TCERG1L: variants seen among roughly 807,000 people sequenced by gnomAD.
The protein encoded by TCERG1L is transcription elongation regulator 1 like.
Under a neutral mutation model 56.3 loss-of-function variants are expected in TCERG1L, and 37 were observed. The ratio of observed to expected loss-of-function variants is 0.66; its 90% CI spans 0.51 to 0.87. The LOEUF (loss-of-function observed/expected upper bound fraction) is 0.87, where lower values mean the gene tolerates loss of function less well. Among genes scored for constraint, TCERG1L ranks in the 40% least tolerant of loss-of-function variants. TCERG1L has a pLI of 0.00. For missense variants in TCERG1L, 799 were observed against 774.2 expected, an observed-to-expected ratio of 1.03 and a Z score of -0.38; for synonymous variants, 324 against 326.3, an observed-to-expected ratio of 0.99 and a Z score of 0.08.
intron 6 of TCERG1L, among the ~76,000 whole-genome samples, chr10:131,158,003 G>A (rs1429659704): frequency 2.0e-5 from 3 of 152,252 alleles, no homozygotes. Flanking sequence ...CTGTCAGGGT[G>A]TGAATTTTGC....
chr10:131,094,612 C>T (rs937494488), intron 11 of TCERG1L, among the ~76,000 whole-genome samples: 4 of 152,148 alleles, frequency 2.6e-5, no homozygotes, highest in Non-Finnish European at 4.4e-5. Context: ...AAGAAAAGCG[C>T]TTCTCTCTGG....
chr10:131,299,076 A>T (rs527702325), intron 3 of TCERG1L, among the ~76,000 whole-genome samples: 113 of 152,318 alleles, frequency 7.4e-4, no homozygotes, highest in South Asian at 1.0e-3. Flanking sequence ...ATTTTATTAG[A>T]AATTTTTATC....
chr10:131,259,534 T>C (rs1846211093), intron 4 of TCERG1L, among the ~76,000 whole-genome samples: 2 of 152,294 alleles, frequency 1.3e-5, no homozygotes, highest in East Asian at 1.9e-4. Flanking sequence ...TTACAGTTAG[T>C]GGATGGACAC....
At chr10:131,175,802 G>A (rs1188338436) in intron 4 of TCERG1L, among the ~76,000 whole-genome samples, 1 of 152,218 alleles carries the variant, frequency 6.6e-6, no homozygotes, top group Non-Finnish European at 1.5e-5. Flanking sequence ...GAGATGGCTA[G>A]ATGGAGGAGG....
At chr10:131,282,743 C>T (rs1050698974) in intron 3 of TCERG1L, among the ~76,000 whole-genome samples, 3 of 152,160 alleles carry the variant, frequency 2.0e-5, no homozygotes, top group Admixed American at 1.3e-4. Context: ...TTATACCAGA[C>T]ACTTTGTCAG....
chr10:131,268,024 G>A (rs1434792159), intron 3 of TCERG1L, among the ~76,000 whole-genome samples: 1 of 152,180 alleles, frequency 6.6e-6, no homozygotes, highest in Non-Finnish European at 1.5e-5. Flanking sequence ...GCCAGGCTCA[G>A]CAGTGGGAGC....
At chr10:131,148,427 GAC>G (rs760908026) in intron 6 of TCERG1L, among the ~76,000 whole-genome samples, 17 of 150,508 alleles carry the variant, frequency 1.1e-4, no homozygotes, top group South Asian at 2.1e-4. Flanking sequence ...TGCACACAGA[GAC>G]ACACACATGC....
intron 4 of TCERG1L, among the ~76,000 whole-genome samples, chr10:131,250,871 C>T (rs1214176258): frequency 6.6e-6 from 1 of 152,188 alleles, no homozygotes; most frequent in African/African-American, 2.4e-5. Context: ...TCTCCCAAGC[C>T]ACATTCCTCT....
intron 4 of TCERG1L, among the ~76,000 whole-genome samples, chr10:131,202,530 A>T (rs937496399): frequency 1.3e-5 from 2 of 152,188 alleles, no homozygotes; most frequent in South Asian, 2.1e-4. Flanking sequence ...GCAGTAAGAC[A>T]AGATCATGCC....
intron 3 of TCERG1L, among the ~76,000 whole-genome samples, chr10:131,270,120 CCA>C (rs1456691539): frequency 6.6e-6 from 1 of 152,224 alleles, no homozygotes; most frequent in African/African-American, 2.4e-5. Context: ...TCTCTGCACC[CCA>C]CAGTCAGACA....
chr10:131,195,778 C>T (rs940483325), intron 4 of TCERG1L, among the ~76,000 whole-genome samples: 13 of 152,210 alleles, frequency 8.5e-5, no homozygotes, highest in Admixed American at 6.5e-5. Context: ...GCCGGCCATG[C>T]TCAAGCATCT....
chr10:131,223,251 C>T (rs548568983), intron 4 of TCERG1L, among the ~76,000 whole-genome samples: 10 of 152,320 alleles, frequency 6.6e-5, no homozygotes, highest in African/African-American at 1.2e-4. Context: ...CTCTCTTCCT[C>T]GGCCCCCGGG....
chr10:131,264,247 G>A (rs1183808560), intron 3 of TCERG1L, among the ~76,000 whole-genome samples: 1 of 152,140 alleles, frequency 6.6e-6, no homozygotes, highest in African/African-American at 2.4e-5. Context: ...GAGGGACTGG[G>A]GCAACACACC....
At chr10:131,277,060 C>T (rs373436108) in intron 3 of TCERG1L, among the ~76,000 whole-genome samples, 7 of 152,306 alleles carry the variant, frequency 4.6e-5, no homozygotes, top group African/African-American at 1.7e-4. Context: ...AACTGCTATC[C>T]TAAGCGAGAC....
At chr10:131,225,100 A>G (rs2133502200) in intron 4 of TCERG1L, among the ~76,000 whole-genome samples, 1 of 152,270 alleles carries the variant, frequency 6.6e-6, no homozygotes, top group Non-Finnish European at 1.5e-5. Context: ...GGTTCCCAAG[A>G]CCCACAGAAC....
intron 11 of TCERG1L, among the ~76,000 whole-genome samples, chr10:131,096,562 AG>A (rs139206407): frequency 0.021 from 3,253 of 152,282 alleles, 121 homozygotes; most frequent in African/African-American, 0.072. Flanking sequence ...GGTCAAACAA[AG>A]GGGGCCTATG....
intron 5 of TCERG1L, among the ~76,000 whole-genome samples, chr10:131,165,622 A>G (rs1846022419): frequency 6.6e-6 from 1 of 152,162 alleles, no homozygotes; most frequent in East Asian, 1.9e-4. Context: ...ACTAGGGGGG[A>G]CTTTCATTAT....
At chr10:131,231,455 C>T (rs1845851078) in intron 4 of TCERG1L, among the ~76,000 whole-genome samples, 2 of 152,226 alleles carry the variant, frequency 1.3e-5, no homozygotes, top group African/African-American at 2.4e-5. Context: ...CCAAGAATTG[C>T]AGCCCTGGAG....
At chr10:131,248,045 A>T (rs1325421676) in intron 4 of TCERG1L, among the ~76,000 whole-genome samples, 2 of 151,942 alleles carry the variant, frequency 1.3e-5, no homozygotes, top group Non-Finnish European at 2.9e-5. Context: ...ACTCACACAC[A>T]TTGTAAATTC....
Sources: allele counts gnomAD v4.1 joint callset (sites outside exome capture counted in the v4.1 genomes callset), GRCh38; gene constraint gnomAD v4.1.1; transcripts MANE v1.5; gene names NCBI Gene and HGNC (gene_info 2026-07-23, HGNC 2026-07-21).